The following FBLN1 variants were observed in gnomAD, a reference collection of about 807,000 sequenced individuals.
The protein encoded by FBLN1 is fibulin 1.
A neutral mutation model predicts 89.7 loss-of-function variants in FBLN1; 34 were observed. The ratio of observed to expected loss-of-function variants is 0.38; its 90% CI spans 0.29 to 0.50. The LOEUF (loss-of-function observed/expected upper bound fraction) is 0.50. FBLN1 is among the 20% of genes least tolerant of loss of function. FBLN1 has a pLI of 0.92. For synonymous variants in FBLN1, 393 were observed against 391.3 expected (o/e 1.00, Z -0.05); for missense variants, 777 against 988.1 (o/e 0.79, Z 2.86).
chr22:45,591,812 G>A (rs1215691351), intron 16 of FBLN1, among the ~76,000 whole-genome samples: 2 of 146,348 alleles, frequency 1.4e-5, no homozygotes, highest in Non-Finnish European at 1.5e-5. Flanking sequence ...CAGGAGGGAG[G>A]AAGTGTCCTG....
In FBLN1 at chr22:45,600,498, G is replaced by C; in HGVS notation, c.*52G>C. 5 of 1,608,958 alleles carry C rather than the reference G, an allele frequency of 3.1e-6. No individual in the cohort carries two copies. Among genetic ancestry groups the C allele is most frequent in the Non-Finnish European group, 4.3e-6 (5 of 1,175,414 alleles). On this transcript the variant is annotated 3_prime_UTR_variant, in exon 17 of 17. Coordinates refer to ENST00000327858, the MANE Select transcript of FBLN1 (RefSeq NM_006486.3). ...TGCACCTCCAGGCCAAATCATTGCTGCCAGTGACTGTGGTCTGTACTTGTT... is the reference window on the plus strand; with the variant it reads ...TGCACCTCCAGGCCAAATCATTGCTCCCAGTGACTGTGGTCTGTACTTGTT...
At chr22:45,542,487 C>A (rs2088570244) in intron 10 of FBLN1, among the ~76,000 whole-genome samples, 1 of 152,210 alleles carries the variant, frequency 6.6e-6, no homozygotes, top group South Asian at 2.1e-4. Context: ...ACTGGCACCA[C>A]CCCCCTGTGT....
intron 14 of FBLN1, among the ~76,000 whole-genome samples, chr22:45,552,127 G>A (rs2088710784): frequency 6.6e-6 from 1 of 152,264 alleles, no homozygotes; most frequent in African/African-American, 2.4e-5. Context: ...GCAGGCACCT[G>A]GGTAGACAGC....
intron 16 of FBLN1, among the ~76,000 whole-genome samples, chr22:45,598,472 G>C (rs2089204610): frequency 6.6e-6 from 1 of 152,178 alleles, no homozygotes; most frequent in African/African-American, 2.4e-5. Flanking sequence ...CCATAGGTCT[G>C]TGCCTGTTTG....
intron 9 of FBLN1, 51 bp from the exon 10 acceptor site, chr22:45,542,104 A>G (rs767582070): frequency 6.8e-6 from 11 of 1,612,926 alleles, no homozygotes; most frequent in Admixed American, 1.7e-5. Flanking sequence ...TCTTGGGGGG[A>G]AAAAACCCAA....
rs891287947 is a variant in FBLN1 at position 45,578,694 on chromosome 22, G to A, written c.1972+1586G>A. Among the ~76,000 whole-genome samples the A allele has an allele frequency of 4.6e-5, 7 of 152,322 alleles. No homozygotes were observed. The South Asian group carries it at 6.2e-4, about 14-fold the overall frequency. ...TGACACTGGCCCACAGCCGCCCCCC[G>A]CCCCAAAGGGGCCAGCCCTGTGCTT... On this transcript the variant is annotated intron_variant, in intron 16 of 16. Transcript: ENST00000327858. This position sits in a 1 kb window ranked among gnomAD's most constrained non-coding sequence, Gnocchi z 4.6.
intron 13 of FBLN1, 148 bp downstream of exon 13, chr22:45,548,892 C>T: frequency 7.8e-7 from 1 of 1,281,860 alleles, no homozygotes; most frequent in Non-Finnish European, 1.1e-6. Context: ...AGGCCCACCC[C>T]ATCCAAGGGG....
chr22:45,524,116 C>G (rs2088288088), intron 2 of FBLN1, among the ~76,000 whole-genome samples: 1 of 152,216 alleles, frequency 6.6e-6, no homozygotes, highest in Non-Finnish European at 1.5e-5. Flanking sequence ...TTTTGAGACA[C>G]ACGGGCAGCC....
rs941776538 is a variant in FBLN1, at chr22:45,502,929, C to T, written c.-57C>T. On this transcript the variant is annotated 5_prime_UTR_variant, in exon 1 of 17. Coordinates refer to ENST00000327858, the MANE Select transcript of FBLN1 (RefSeq NM_006486.3). ...GGAGCGTGGAGCCCGCGCCGCTGCC[C>T]CAGGACCGCGCCCGCGCCTTTGTCC... is the stretch of plus-strand genomic sequence containing the variant. 2 of 795,866 alleles carry T rather than the reference C, an allele frequency of 2.5e-6. No individual in the cohort carries two copies. The highest frequency in any genetic ancestry group is 3.1e-6 in the Non-Finnish European group (2 of 644,910). The allele number at this position is 795,866 out of a possible 1,614,324, so 49.3% of individuals were successfully genotyped here.
intron 16 of FBLN1, among the ~76,000 whole-genome samples, chr22:45,587,102 A>G (rs1210533952): frequency 1.3e-5 from 2 of 152,136 alleles, no homozygotes; most frequent in East Asian, 3.9e-4. Flanking sequence ...CACGTCACGG[A>G]GCCTCTCCCC....
At position 45,549,361 on chromosome 22, in the gene FBLN1, G is replaced by A. The variant is rs1255263670; in HGVS notation, c.1573+617G>A. ...CCCAGAAGCTGAGTCATGGAGGTGGGGCTGTCCAGCCAGTTCCTCGGGAGC... is the reference window on the plus strand; with the variant it reads ...CCCAGAAGCTGAGTCATGGAGGTGGAGCTGTCCAGCCAGTTCCTCGGGAGC... On this transcript the variant is annotated intron_variant, in intron 13 of 16. Transcript: ENST00000327858. This position sits in a 1 kb window ranked among gnomAD's most constrained non-coding sequence, Gnocchi z 5.7. Among the ~76,000 whole-genome samples, 1 of 152,216 alleles carries A rather than the reference G, an allele frequency of 6.6e-6. No homozygotes were observed. The highest frequency in any genetic ancestry group is 1.5e-5 in the Non-Finnish European group (1 of 68,040).
At position 45,550,552 on chromosome 22, in the gene FBLN1, T is replaced by C; in HGVS notation, c.1634T>C (p.Ile545Thr). The C allele has an allele frequency of 1.2e-6, 2 of 1,614,126 alleles. No individual in the cohort carries two copies. The highest frequency in any genetic ancestry group is 1.7e-6 in the Non-Finnish European group (2 of 1,180,036). ...NCSINETCFN[I>T]QGGFRCLAFE... ...TCCATCAACGAGACCTGCTTCAACA[T>C]CCAGGGCGGCTTCCGCTGCCTGGCC... Residue 545 changes from isoleucine to threonine, a missense_variant, in exon 14 of 17, where the codon ATC becomes ACC. By Grantham distance (89) the Ile-to-Thr change is moderately conservative. Transcript: ENST00000327858. This position sits in a 1 kb window ranked among gnomAD's most constrained non-coding sequence, Gnocchi z 8.4.
At chr22:45,591,789 G>C (rs1268898289) in intron 16 of FBLN1, among the ~76,000 whole-genome samples, 2 of 93,530 alleles carry the variant, frequency 2.1e-5, no homozygotes, top group African/African-American at 9.3e-5. Flanking sequence ...TGTCCTGCGC[G>C]CCATTTTGCA....
At chr22:45,599,232 C>T (rs1048909291) in intron 16 of FBLN1, among the ~76,000 whole-genome samples, 10 of 152,224 alleles carry the variant, frequency 6.6e-5, no homozygotes. Flanking sequence ...CTGCAACCCC[C>T]AGCTGTTTCC....
intron 2 of FBLN1, among the ~76,000 whole-genome samples, chr22:45,519,129 G>C (rs753328578): frequency 6.6e-6 from 1 of 152,154 alleles, no homozygotes; most frequent in Non-Finnish European, 1.5e-5. Flanking sequence ...GAGATGATGT[G>C]ACTAAAGAGC....
In FBLN1 at chr22:45,543,447, G is replaced by C; in HGVS notation, c.1242G>C (p.Lys414Asn). ...QRYPGRLCGHKCENTLGSYLC... is the reference protein window; with the variant it reads ...QRYPGRLCGHNCENTLGSYLC... ...ACCCCGGGCGCCTGTGTGGCCACAAGTGCGAGAACACGCTGGGCTCCTACC... is the reference window on the plus strand; with the variant it reads ...ACCCCGGGCGCCTGTGTGGCCACAACTGCGAGAACACGCTGGGCTCCTACC... The change falls in exon 11 of 17, where the codon AAG becomes AAC. Residue 414 changes from lysine to asparagine, a missense_variant. Coordinates refer to ENST00000327858, the MANE Select transcript of FBLN1 (RefSeq NM_006486.3). The C allele has an allele frequency of 6.2e-7, 1 of 1,613,844 alleles. No individual in the cohort carries two copies. The highest frequency in any genetic ancestry group is 8.5e-7 in the Non-Finnish European group (1 of 1,179,992).
rs2089193965 is a variant in FBLN1, at chr22:45,597,089, C to CCG, written c.1973-3217_1973-3216insGC. On this transcript the variant is annotated intron_variant, in intron 16 of 16. Coordinates refer to ENST00000327858, the MANE Select transcript of FBLN1 (RefSeq NM_006486.3). The surrounding 1 kb of genome is among the most constrained non-coding windows in gnomAD (Gnocchi z 4.2). ...CAATCTTGGCTCATTGCAACCTTGACCTTCCCGGGCTCAAACAATTCTGCC... is the reference window on the plus strand; with the variant it reads ...CAATCTTGGCTCATTGCAACCTTGACCGCTTCCCGGGCTCAAACAATTCTGCC... Among the ~76,000 whole-genome samples, 1 of 151,760 alleles carries CCG rather than the reference C, an allele frequency of 6.6e-6. No individual in the cohort carries two copies. Among genetic ancestry groups the CCG allele is most frequent in the Non-Finnish European group, 1.5e-5 (1 of 67,968 alleles).
rs1602185520 is a variant in FBLN1, at chr22:45,535,432, T to C, written c.922+95T>C. 2.7e-6 allele frequency: 4 copies of C among 1,494,280 alleles called. No individual in the cohort carries two copies. In the South Asian group the frequency reaches 3.5e-5, roughly 13 times the overall value. 92.6% of individuals were successfully genotyped at this position (1,494,280 alleles called of 1,614,324 possible). The stretch of plus-strand genomic sequence containing the variant: ...CTCTAGAATCTGCGGGGCCGCATGG[T>C]ATACAGAACAGGGGTTGGCAAACTT... On this transcript the variant is annotated intron_variant, in intron 8 of 16. Transcript: ENST00000327858.
At chr22:45,535,495 T>C (rs959144564) in intron 8 of FBLN1, 158 bp downstream of exon 8, 9 of 829,602 alleles carry the variant, frequency 1.1e-5, no homozygotes, top group Non-Finnish European at 1.4e-5. Context: ...GAGCAAATAC[T>C]TTAGCCGTTG....
Sources: gnomAD v4.1 joint callset for allele counts (sites outside exome capture counted in the v4.1 genomes callset) on GRCh38, gnomAD v4.1.1 for gene constraint, Gnocchi (gnomAD v3.1) non-coding constraint, MANE v1.5 for transcripts, NCBI Gene and HGNC (gene_info 2026-07-23, HGNC 2026-07-21) for gene names.